The following DMD variants were observed in gnomAD, a reference collection of about 807,000 sequenced individuals.
The protein encoded by DMD is mutant dystrophin.
Under a neutral mutation model 330.1 loss-of-function variants are expected in DMD, and 63 were observed. The observed-to-expected ratio is 0.19, with a 90% CI of 0.16 to 0.24. DMD has a LOEUF of 0.24. DMD is among the 10% of genes least tolerant of loss of function. The pLI, the probability that DMD is intolerant of heterozygous loss-of-function variation, is 1.00. For missense variants in DMD, 3,344 were observed against 2,684.1 expected, an observed-to-expected ratio of 1.25 and a Z score of -5.43; for synonymous variants, 1,223 against 959.8, an observed-to-expected ratio of 1.27 and a Z score of -5.07.
At chrX:32,661,744 G>C (rs1472513552) in intron 9 of DMD, among the ~76,000 whole-genome samples, 1 of 110,482 alleles carries the variant, frequency 9.1e-6, no homozygotes, top group African/African-American at 3.3e-5. Flanking sequence ...GATTGTATAT[G>C]GCATATAATT....
chrX:31,136,704 G>T (rs1196714869), intron 76 of DMD, among the ~76,000 whole-genome samples: 3 of 112,289 alleles, frequency 2.7e-5, no homozygotes, highest in African/African-American at 6.5e-5. Flanking sequence ...GAAGTGACTG[G>T]CATTCCTGTT....
Position 32,417,352 on chromosome X carries a change from C to T in DMD, c.4072-5439G>A, listed in dbSNP as rs192402490. Among the ~76,000 whole-genome samples, 9 of 110,483 alleles carry T rather than the reference C, an allele frequency of 8.1e-5. No individual in the cohort carries two copies. In the East Asian group the frequency reaches 1.4e-3, roughly 18 times the overall value. On this transcript the variant is annotated intron_variant, in intron 29 of 78. Transcript: ENST00000357033. ...TAGGGATGGCTCCCTCTGTTTATTC[C>T]GTAAGGGGGAAAAGAAGATGGTACT...
intron 62 of DMD, among the ~76,000 whole-genome samples, chrX:31,285,794 C>A (rs773090237): frequency 2.4e-4 from 27 of 111,611 alleles, no homozygotes; most frequent in Non-Finnish European, 1.3e-4. Flanking sequence ...TATTAAAAAA[C>A]AAAAACATAC....
At chrX:32,704,125 G>A (rs1219287412) in intron 7 of DMD, among the ~76,000 whole-genome samples, 1 of 111,532 alleles carries the variant, frequency 9.0e-6, no homozygotes, top group Non-Finnish European at 1.9e-5. Context: ...ATCATTTAGC[G>A]AAATTTGATC....
At chrX:32,604,275 C>T (rs1392051259) in intron 12 of DMD, among the ~76,000 whole-genome samples, 1 of 110,251 alleles carries the variant, frequency 9.1e-6, no homozygotes, top group Admixed American at 9.7e-5. Context: ...TGATTCACCA[C>T]ATAAAAAGAA....
intron 30 of DMD, among the ~76,000 whole-genome samples, chrX:32,395,094 C>T (rs1388520471): frequency 2.7e-5 from 3 of 110,636 alleles, no homozygotes; most frequent in African/African-American, 9.8e-5. Context: ...CCCAAGGTAA[C>T]ATAACTAGGA....
chrX:31,515,040 C>T (rs968318169), intron 55 of DMD, among the ~76,000 whole-genome samples: 13 of 109,639 alleles, frequency 1.2e-4, no homozygotes, highest in African/African-American at 4.3e-4. Context: ...ACAAGATTAT[C>T]GAATATTAAA....
chrX:31,749,815 G>A (rs2088319257), intron 51 of DMD, among the ~76,000 whole-genome samples: 1 of 105,970 alleles, frequency 9.4e-6, no homozygotes, highest in Non-Finnish European at 1.9e-5. Flanking sequence ...GTTGTTTCCT[G>A]ACTTTTTAAT....
At chrX:31,220,863 A>C (rs1320869913) in intron 64 of DMD, among the ~76,000 whole-genome samples, 2 of 103,380 alleles carry the variant, frequency 1.9e-5, no homozygotes, top group Non-Finnish European at 3.9e-5. Context: ...TGAATTCGTA[A>C]ACTTTCCTAA....
chrX:31,885,890 A>G (rs1173747630), intron 47 of DMD, among the ~76,000 whole-genome samples: 1 of 110,895 alleles, frequency 9.0e-6, no homozygotes, highest in Non-Finnish European at 1.9e-5. Context: ...TGGGGACTAG[A>G]AGAACAGTTA....
At chrX:31,984,984 C>T (rs1310064167) in intron 44 of DMD, among the ~76,000 whole-genome samples, 1 of 111,236 alleles carries the variant, frequency 9.0e-6, no homozygotes. Flanking sequence ...CAATGTATGC[C>T]ATACAAAGAA....
intron 2 of DMD, among the ~76,000 whole-genome samples, chrX:33,002,850 GAA>G (rs145168802): frequency 0.029 from 1,112 of 38,682 alleles, 13 homozygotes; most frequent in African/African-American, 0.091. Context: ...TTTTTTTCTC[GAA>G]AAAAAAAAAA....
At chrX:32,295,219 T>A (rs1383438878) in intron 42 of DMD, among the ~76,000 whole-genome samples, 1 of 112,087 alleles carries the variant, frequency 8.9e-6, no homozygotes, top group Non-Finnish European at 1.9e-5. Flanking sequence ...CTGAAAGGCA[T>A]CTGTACACGA....
chrX:32,882,586 A>C (rs1180571709), intron 2 of DMD, among the ~76,000 whole-genome samples: 2 of 112,285 alleles, frequency 1.8e-5, no homozygotes, highest in African/African-American at 6.5e-5. Context: ...TAATGACTAA[A>C]TATAGATATA....
intron 41 of DMD, among the ~76,000 whole-genome samples, chrX:32,335,808 T>C (rs192364768): frequency 7.4e-4 from 78 of 105,809 alleles, no homozygotes; most frequent in African/African-American, 2.6e-3. Flanking sequence ...ATAACACGTG[T>C]ATATATGTAT....
chrX:31,628,610 G>A (rs1416650899), intron 54 of DMD, among the ~76,000 whole-genome samples: 2 of 111,025 alleles, frequency 1.8e-5, no homozygotes, highest in East Asian at 5.6e-4. Flanking sequence ...ATGAAAAAGA[G>A]TAGAGTTTTA....
intron 34 of DMD, 101 bp from the exon 35 acceptor site, chrX:32,365,300 T>C (rs964138162): frequency 6.1e-5 from 49 of 806,714 alleles, no homozygotes; most frequent in Non-Finnish European, 8.9e-5. Flanking sequence ...TTCTGCAAGG[T>C]TTTAAACCTA....
At chrX:32,421,750 G>A (rs2098190748) in intron 29 of DMD, among the ~76,000 whole-genome samples, 1 of 111,733 alleles carries the variant, frequency 8.9e-6, no homozygotes, top group South Asian at 3.7e-4. Context: ...TATTTGGCAT[G>A]GGAGAAGAAT....
chrX:31,803,173 T>C (rs1245686283), intron 50 of DMD, among the ~76,000 whole-genome samples: 4 of 111,884 alleles, frequency 3.6e-5, no homozygotes, highest in African/African-American at 1.3e-4. Flanking sequence ...ACAAAATCTG[T>C]GGGCTCCTGG....
Sources: allele counts gnomAD v4.1 joint callset (sites outside exome capture counted in the v4.1 genomes callset), GRCh38; gene constraint gnomAD v4.1.1; transcripts MANE v1.5; gene names NCBI Gene and HGNC (gene_info 2026-07-23, HGNC 2026-07-21).